The following GSTA3 variants were observed in gnomAD, a reference collection of about 807,000 sequenced individuals.
The protein encoded by GSTA3 is glutathione S-transferase A3.
A neutral mutation model predicts 23.1 loss-of-function variants in GSTA3; 16 were observed. The ratio of observed to expected loss-of-function variants is 0.69; its 90% CI spans 0.47 to 1.05. The LOEUF is 1.05. Ranked by LOEUF, GSTA3 falls within the 50% of genes least tolerant of loss-of-function variation. The pLI is 0.00. For synonymous variants in GSTA3, 122 were observed against 91.0 expected, an observed-to-expected ratio of 1.34 and a Z score of -1.94; for missense variants, 319 against 263.6, an observed-to-expected ratio of 1.21 and a Z score of -1.46.
intron 1 of GSTA3, among the ~76,000 whole-genome samples, chr6:52,908,454 G>T (rs554325391): frequency 3.3e-5 from 5 of 152,150 alleles, no homozygotes; most frequent in African/African-American, 4.8e-5. Context: ...TGTTAAGGCT[G>T]CAGTGAAACA....
chr6:52,900,384 T>A lies in GSTA3; in HGVS notation c.273-309A>T, dbSNP rs569278538. On this transcript the variant is annotated intron_variant, in intron 4 of 6. Transcript: ENST00000211122. ...TTCAAGTGATTCTCCTGCCTCAGCC[T>A]CCAGAGTAGCTGGGATTACAGACGC... is the stretch of plus-strand genomic sequence containing the variant. 6.9e-3 allele frequency among the ~76,000 whole-genome samples: 1,050 copies of A among 151,184 alleles called. 8 individuals carry two copies. The highest frequency in any genetic ancestry group is 0.011 in the Non-Finnish European group (762 of 67,792).
rs1169535933 is a variant in GSTA3, at chr6:52,909,673, T to C, written c.-54A>G. 2 of 152,218 alleles carry C rather than the reference T, an allele frequency of 1.3e-5. No individual in the cohort carries two copies. The highest frequency in any genetic ancestry group is 1.3e-4 in the Admixed American group (2 of 15,278). The allele number at this position is 152,218 out of a possible 1,614,324, so 9.4% of individuals were successfully genotyped here. A position where few individuals can be genotyped will look rare whatever the true frequency, so the allele number is the denominator to read the frequency against. The stretch of plus-strand genomic sequence containing the variant: ...AAGTCTAGCCGGTCTCCGCTCAGCT[T>C]CTCAAGGCCACCTCCTGATGTGTAT... On this transcript the variant is annotated 5_prime_UTR_variant, in exon 1 of 7. Transcript: ENST00000211122.
chr6:52,903,764 C>G (rs376546839), intron 2 of GSTA3, 37 bp from the exon 3 acceptor site: 140 of 1,239,826 alleles, frequency 1.1e-4, no homozygotes, highest in Non-Finnish European at 1.6e-4. Context: ...CTTGTTAGTT[C>G]GTTCCATAGC....
At chr6:52,901,430 A>T (rs555669375) in intron 4 of GSTA3, among the ~76,000 whole-genome samples, 16 of 152,216 alleles carry the variant, frequency 1.1e-4, no homozygotes, top group African/African-American at 3.9e-4. Flanking sequence ...TTAAGGTTCA[A>T]CTTTCTTGTA....
At chr6:52,908,696 G>A (rs546997725) in intron 1 of GSTA3, among the ~76,000 whole-genome samples, 59 of 152,248 alleles carry the variant, frequency 3.9e-4, no homozygotes, top group African/African-American at 1.3e-3. Flanking sequence ...AAGTGCTTTG[G>A]CAGGGTAGCC....
intron 1 of GSTA3, among the ~76,000 whole-genome samples, chr6:52,906,391 GA>G (rs1439023390): frequency 1.3e-5 from 2 of 152,084 alleles, no homozygotes. Context: ...CCTCATTATT[GA>G]CTATTTACAG....
chr6:52,896,682 C>T lies in GSTA3; in HGVS notation c.*124G>A, dbSNP rs1765450046. The T allele has an allele frequency of 1.8e-6, 2 of 1,082,022 alleles. No individual in the cohort carries two copies. The highest frequency in any genetic ancestry group is 2.7e-6 in the Non-Finnish European group (2 of 754,308). 67.0% of individuals were successfully genotyped at this position (1,082,022 alleles called of 1,614,324 possible). The stretch of plus-strand genomic sequence containing the variant: ...ATAGGAGTTTTTATTATTTAATTAG[C>T]ATATAATTGGAAAGGGTTCATTAGC... On this transcript the variant is annotated 3_prime_UTR_variant, in exon 7 of 7. Coordinates refer to ENST00000211122, the MANE Select transcript of GSTA3 (RefSeq NM_000847.5).
rs375326837 is a variant in GSTA3 at position 52,896,779 on chromosome 6, A to G, written c.*27T>C. 59 of 1,613,024 alleles carry G rather than the reference A, an allele frequency of 3.7e-5. No homozygotes were observed. The highest frequency in any genetic ancestry group is 5.0e-5 in the Non-Finnish European group (59 of 1,179,498). The stretch of plus-strand genomic sequence containing the variant: ...CAAAACTTTAGAATATTGGTCTTGC[A>G]TGTTCTTAGCCTCCATGGCTGCTTT... On this transcript the variant is annotated 3_prime_UTR_variant, in exon 7 of 7. Transcript: ENST00000211122.
Position 52,897,940 on chromosome 6 carries a change from C to A in GSTA3, c.431G>T (p.Gly144Val). 2 of 1,614,016 alleles carry A rather than the reference C, an allele frequency of 1.2e-6. No homozygotes were observed. The highest frequency in any genetic ancestry group is 2.7e-5 in the African/African-American group (2 of 75,006). Reference protein sequence around the residue: ...PAFEKVLQSHGQDYLVGNKLS... With the variant: ...PAFEKVLQSHVQDYLVGNKLS... ...CTTGTTGCCAACAAGGTAGTCTTGT[C>A]CATGGCTCTGTAACACCTGGAGAAT... is the stretch of plus-strand genomic sequence containing the variant. The change falls in exon 6 of 7, where the codon GGA (glycine) becomes GTA (valine). Residue 144 changes from glycine (G) to valine (V), a missense_variant. Transcript: ENST00000211122.
intron 5 of GSTA3, 56 bp downstream of exon 5, chr6:52,899,878 A>G: frequency 1.3e-6 from 2 of 1,576,678 alleles, no homozygotes; most frequent in Non-Finnish European, 1.7e-6. Context: ...CCCAGCCACT[A>G]TTTTTCTACT....
chr6:52,909,072 A>G (rs1329038926), intron 1 of GSTA3, among the ~76,000 whole-genome samples: 1 of 152,212 alleles, frequency 6.6e-6, no homozygotes, highest in Non-Finnish European at 1.5e-5. Context: ...TCACTTATAT[A>G]AGCAGTAAAC....
At chr6:52,898,424 C>T (rs1765537910) in intron 5 of GSTA3, among the ~76,000 whole-genome samples, 1 of 152,136 alleles carries the variant, frequency 6.6e-6, no homozygotes, top group African/African-American at 2.4e-5. Flanking sequence ...CCATATGTTC[C>T]ATAGACTCAA....
rs1284790750 is a variant in GSTA3 at position 52,902,246 on chromosome 6, G to A, written c.272+100C>T. ...AGTATACACGCCCAAGGCCCAGCCTGCTCCTGGTCATGATGCCCTGTCATG... is the reference window on the plus strand; with the variant it reads ...AGTATACACGCCCAAGGCCCAGCCTACTCCTGGTCATGATGCCCTGTCATG... On this transcript the variant is annotated intron_variant, in intron 4 of 6. Coordinates refer to ENST00000211122, the MANE Select transcript of GSTA3 (RefSeq NM_000847.5). 7 of 1,457,548 alleles carry A rather than the reference G, an allele frequency of 4.8e-6. No individual in the cohort carries two copies. In the African/African-American group the frequency reaches 8.5e-5, roughly 18 times the overall value. The allele number at this position is 1,457,548 out of a possible 1,614,324, so 90.3% of individuals were successfully genotyped here.
chr6:52,903,078 A>T (rs944074578), intron 3 of GSTA3, among the ~76,000 whole-genome samples: 15 of 152,142 alleles, frequency 9.9e-5, no homozygotes, highest in Admixed American at 3.3e-4. Context: ...ACCTCAGCTC[A>T]TTCACGGTGC....
intron 2 of GSTA3, among the ~76,000 whole-genome samples, chr6:52,904,840 A>G (rs1765839026): frequency 6.6e-6 from 1 of 152,176 alleles, no homozygotes; most frequent in Non-Finnish European, 1.5e-5. Context: ...ACACTGGGGA[A>G]TGCCTGGGTG....
At position 52,897,898 on chromosome 6, in the gene GSTA3, A is replaced by G. The variant is rs568848931; in HGVS notation, c.473T>C (p.Ile158Thr). ...LVGNKLSRAD[I>T]SLVELLYYVE... ...ATAGTAGAGAAGTTCCACCAGGCTA[A>G]TGTCAGCCCGGCTCAGCTTGTTGCC... Residue 158 changes from isoleucine (I) to threonine (T), a missense_variant, in exon 6 of 7, where the codon ATT (isoleucine) becomes ACT (threonine). By Grantham distance (89) the Ile-to-Thr change is moderately conservative (BLOSUM62 -1). Transcript: ENST00000211122. 6 of 1,614,012 alleles carry G rather than the reference A, an allele frequency of 3.7e-6. No homozygotes were observed. Among genetic ancestry groups the G allele is most frequent in the Middle Eastern group, 3.3e-4 (2 of 6,062 alleles).
intron 4 of GSTA3, 111 bp from the exon 5 acceptor site, chr6:52,900,186 A>C: frequency 3.8e-6 from 3 of 791,288 alleles, no homozygotes; most frequent in East Asian, 2.8e-5. Flanking sequence ...ATTCATCTCC[A>C]TTGGGTGCCT....
chr6:52,900,220 T>C, intron 4 of GSTA3, 145 bp from the exon 5 acceptor site: 2 of 574,330 alleles, frequency 3.5e-6, no homozygotes. Context: ...CATTATGCTC[T>C]GATTTTTGCA....
At chr6:52,908,698 AG>A (rs1466400909) in intron 1 of GSTA3, among the ~76,000 whole-genome samples, 1 of 152,220 alleles carries the variant, frequency 6.6e-6, no homozygotes, top group Non-Finnish European at 1.5e-5. Flanking sequence ...GTGCTTTGGC[AG>A]GGTAGCCCAG....
Sources: gnomAD v4.1 joint callset for allele counts (sites outside exome capture counted in the v4.1 genomes callset) on GRCh38, gnomAD v4.1.1 for gene constraint, MANE v1.5 for transcripts, NCBI Gene and HGNC (gene_info 2026-07-23, HGNC 2026-07-21) for gene names.